MGAT4C: variants seen among roughly 807,000 people sequenced by gnomAD.
MGAT4C encodes alpha-1,3-mannosyl-glycoprotein 4-beta-N-acetylglucosaminyltransferase C.
Under a neutral mutation model 40.1 loss-of-function variants are expected in MGAT4C, and 19 were observed. That is an observed-to-expected ratio of 0.47 (90% CI 0.33 to 0.70). The LOEUF is 0.70. Ranked by LOEUF, MGAT4C falls within the 30% of genes least tolerant of loss-of-function variation. MGAT4C has a pLI of 0.02. For missense variants in MGAT4C, 491 were observed against 563.2 expected, an observed-to-expected ratio of 0.87 and a Z score of 1.30; for synonymous variants, 181 against 187.1, an observed-to-expected ratio of 0.97 and a Z score of 0.27.
chr12:86,538,217 A>C (rs1389211867), intron 2 of MGAT4C, among the ~76,000 whole-genome samples: 1 of 152,244 alleles, frequency 6.6e-6, no homozygotes, highest in African/African-American at 2.4e-5. Context: ...GAACTGGCCA[A>C]AGTACTGTAT....
chr12:86,655,367 T>G (rs1459661123), intron 2 of MGAT4C, among the ~76,000 whole-genome samples: 1 of 152,134 alleles, frequency 6.6e-6, no homozygotes, highest in East Asian at 1.9e-4. Flanking sequence ...TGTGTTTCAC[T>G]GTACATTTCA....
At chr12:86,304,641 C>T (rs1033700620) in intron 4 of MGAT4C, among the ~76,000 whole-genome samples, 3 of 150,434 alleles carry the variant, frequency 2.0e-5, no homozygotes, top group Non-Finnish European at 4.4e-5. Flanking sequence ...AAATTTTAAC[C>T]CTATGTACCT....
chr12:86,783,751 G>A (rs1951884708), intron 1 of MGAT4C, among the ~76,000 whole-genome samples: 1 of 151,828 alleles, frequency 6.6e-6, no homozygotes, highest in South Asian at 2.1e-4. Context: ...AATCATTTCT[G>A]TGAAAAAAAT....
chr12:86,292,203 T>G (rs1437847816), intron 4 of MGAT4C, among the ~76,000 whole-genome samples: 1 of 152,144 alleles, frequency 6.6e-6, no homozygotes, highest in Non-Finnish European at 1.5e-5. Flanking sequence ...GTACAGCAAT[T>G]AGTGTTAATA....
At chr12:86,553,607 G>C (rs1333287725) in intron 2 of MGAT4C, among the ~76,000 whole-genome samples, 1 of 152,024 alleles carries the variant, frequency 6.6e-6, no homozygotes, top group Non-Finnish European at 1.5e-5. Context: ...CCAATCATTT[G>C]TTTTACCTGA....
At chr12:86,286,794 T>C (rs1170883703) in intron 4 of MGAT4C, among the ~76,000 whole-genome samples, 9 of 149,740 alleles carry the variant, frequency 6.0e-5, no homozygotes, top group African/African-American at 2.2e-4. Context: ...TGTGTCCATA[T>C]GTACTCAATG....
At chr12:86,470,438 A>G (rs540027798) in intron 2 of MGAT4C, among the ~76,000 whole-genome samples, 43 of 152,248 alleles carry the variant, frequency 2.8e-4, no homozygotes, top group Non-Finnish European at 5.4e-4. Flanking sequence ...GAGAAATAAG[A>G]CAGCCCACAC....
chr12:86,029,707 G>T (rs1377100725), intron 2 of MGAT4C, among the ~76,000 whole-genome samples: 1 of 151,858 alleles, frequency 6.6e-6, no homozygotes, highest in Non-Finnish European at 1.5e-5. Context: ...CATGATATTA[G>T]TGATGACACT....
intron 1 of MGAT4C, among the ~76,000 whole-genome samples, chr12:86,114,910 A>T (rs1878134898): frequency 6.6e-6 from 1 of 151,994 alleles, no homozygotes; most frequent in Non-Finnish European, 1.5e-5. Flanking sequence ...TTATGGAGGT[A>T]GTTGGGGGTA....
At chr12:86,343,433 G>C (rs2136185650) in intron 3 of MGAT4C, among the ~76,000 whole-genome samples, 1 of 152,110 alleles carries the variant, frequency 6.6e-6, no homozygotes, top group South Asian at 2.1e-4. Context: ...TTAGTTATTT[G>C]AGCATATTGC....
At chr12:86,275,070 A>G (rs1427863981) in intron 4 of MGAT4C, among the ~76,000 whole-genome samples, 1 of 152,226 alleles carries the variant, frequency 6.6e-6, no homozygotes, top group Non-Finnish European at 1.5e-5. Context: ...AAGGAAAACA[A>G]AGCTAACCTA....
At chr12:86,096,190 G>C (rs533142620) in intron 1 of MGAT4C, among the ~76,000 whole-genome samples, 1 of 151,510 alleles carries the variant, frequency 6.6e-6, no homozygotes, top group East Asian at 1.9e-4. Context: ...TTGCCTTAAT[G>C]CCTTTTTAAA....
chr12:86,487,741 T>C (rs1326453306), intron 2 of MGAT4C, among the ~76,000 whole-genome samples: 1 of 152,200 alleles, frequency 6.6e-6, no homozygotes, highest in Non-Finnish European at 1.5e-5. Context: ...GCTTCCAATT[T>C]TATTCTAAAT....
chr12:86,331,567 CTGGTGTTT>C (rs1954669825), intron 4 of MGAT4C, among the ~76,000 whole-genome samples: 2 of 152,108 alleles, frequency 1.3e-5, no homozygotes, highest in African/African-American at 4.8e-5. Context: ...TCACCAGTTT[CTGGTGTTT>C]CTATCTATTA....
At chr12:86,272,508 T>TG (rs1201637548) in intron 4 of MGAT4C, among the ~76,000 whole-genome samples, 5 of 150,586 alleles carry the variant, frequency 3.3e-5, no homozygotes, top group Non-Finnish European at 7.4e-5. Context: ...CTAAGAGAGA[T>TG]TTTTTTTTTC....
intron 3 of MGAT4C, among the ~76,000 whole-genome samples, chr12:86,362,800 G>C (rs1356401237): frequency 6.9e-6 from 1 of 144,682 alleles, no homozygotes; most frequent in East Asian, 2.2e-4. Flanking sequence ...CTGGGATGTG[G>C]AGTTTGCAGT....
At chr12:86,370,457 G>A (rs933020500) in intron 3 of MGAT4C, among the ~76,000 whole-genome samples, 2 of 151,970 alleles carry the variant, frequency 1.3e-5, no homozygotes, top group Admixed American at 1.3e-4. Context: ...AAACTTGCCT[G>A]GTGATGAGAC....
chr12:86,323,837 C>T (rs999469764), intron 4 of MGAT4C, among the ~76,000 whole-genome samples: 3 of 151,906 alleles, frequency 2.0e-5, no homozygotes, highest in Non-Finnish European at 4.4e-5. Context: ...AAATCAAGAA[C>T]TACCTAAAGC....
At chr12:86,120,663 CT>C (rs1378799434) in intron 1 of MGAT4C, among the ~76,000 whole-genome samples, 14 of 152,206 alleles carry the variant, frequency 9.2e-5, no homozygotes, top group Admixed American at 9.2e-4. Context: ...CTCCAACAGA[CT>C]TGCAGCTGAG....
Sources: gnomAD v4.1 joint callset for allele counts (sites outside exome capture counted in the v4.1 genomes callset) on GRCh38, gnomAD v4.1.1 for gene constraint, MANE v1.5 for transcripts, NCBI Gene and HGNC (gene_info 2026-07-23, HGNC 2026-07-21) for gene names.